DCLK1: variants seen among roughly 807,000 people sequenced by gnomAD.
DCLK1 encodes doublecortin like kinase 1, also known as serine/threonine-protein kinase DCLK1.
A neutral mutation model predicts 86.2 loss-of-function variants in DCLK1; 16 were observed. The ratio of observed to expected loss-of-function variants is 0.19; its 90% CI spans 0.13 to 0.28. DCLK1 has a LOEUF of 0.28. DCLK1 is among the 10% of genes least tolerant of loss of function. DCLK1 has a pLI of 1.00. For synonymous variants in DCLK1, 369 were observed against 370.5 expected, an observed-to-expected ratio of 1.00 and a Z score of 0.05; for missense variants, 590 against 940.2, an observed-to-expected ratio of 0.63 and a Z score of 4.87.
chr13:36,129,258 G>T (rs531128832), intron 1 of DCLK1, among the ~76,000 whole-genome samples: 1 of 152,190 alleles, frequency 6.6e-6, no homozygotes, highest in African/African-American at 2.4e-5. Flanking sequence ...TTCCCTGGGG[G>T]AACGGGCTTT....
At chr13:36,017,227 G>T (rs1437941244) in intron 3 of DCLK1, among the ~76,000 whole-genome samples, 1 of 152,266 alleles carries the variant, frequency 6.6e-6, no homozygotes, top group Admixed American at 6.5e-5. Context: ...CCAAACTGCG[G>T]GATCTGTTCG....
At chr13:36,046,549 C>G (rs890205466) in intron 3 of DCLK1, among the ~76,000 whole-genome samples, 1 of 152,194 alleles carries the variant, frequency 6.6e-6, no homozygotes, top group Non-Finnish European at 1.5e-5. Flanking sequence ...CAGCACAGAG[C>G]ACAGGAGGAA....
At chr13:35,887,534 G>A (rs1873348702) in intron 4 of DCLK1, among the ~76,000 whole-genome samples, 1 of 152,148 alleles carries the variant, frequency 6.6e-6, no homozygotes, top group Non-Finnish European at 1.5e-5. Flanking sequence ...AGAGGAAGTT[G>A]CTTTCAAGGA....
intron 11 of DCLK1, among the ~76,000 whole-genome samples, chr13:35,817,648 C>T (rs1025446147): frequency 2.0e-5 from 3 of 152,140 alleles, no homozygotes; most frequent in African/African-American, 7.2e-5. Context: ...CCAAGTGGTA[C>T]ATCCCTTCTC....
At chr13:35,888,388 T>C (rs528141869) in intron 4 of DCLK1, among the ~76,000 whole-genome samples, 18 of 152,218 alleles carry the variant, frequency 1.2e-4, no homozygotes, top group African/African-American at 4.1e-4. Context: ...GTTAGAAACA[T>C]CTAAACCCTC....
chr13:35,908,986 A>G (rs117985290), intron 4 of DCLK1, among the ~76,000 whole-genome samples: 37 of 152,308 alleles, frequency 2.4e-4, no homozygotes, highest in Non-Finnish European at 5.0e-4. Flanking sequence ...CAATTTTTTA[A>G]AAAGATGTAT....
At chr13:35,949,084 T>C (rs545577431) in intron 3 of DCLK1, among the ~76,000 whole-genome samples, 5 of 152,324 alleles carry the variant, frequency 3.3e-5, no homozygotes, top group Admixed American at 3.3e-4. Flanking sequence ...CCAATCAGCA[T>C]CTGGCAGAAA....
intron 3 of DCLK1, among the ~76,000 whole-genome samples, chr13:35,995,919 C>T (rs1880449123): frequency 6.6e-6 from 1 of 151,832 alleles, no homozygotes; most frequent in Non-Finnish European, 1.5e-5. Flanking sequence ...ATATTTTCAT[C>T]TATTTTAATT....
At position 36,045,377 on chromosome 13, in the gene DCLK1, T is replaced by TATCTATATATCTATATATAC. The variant is rs568110221; in HGVS notation, c.723+66491_723+66492insGTATATATAGATATATAGAT. Among the ~76,000 whole-genome samples, 141 of 125,040 alleles carry TATCTATATATCTATATATAC rather than the reference T, an allele frequency of 1.1e-3. 3 individuals carry two copies. The highest frequency in any genetic ancestry group is 5.3e-3 in the East Asian group (20 of 3,792). The allele number at this position is 125,040 out of a possible 152,430, so 82.0% of individuals were successfully genotyped here. A position where few individuals can be genotyped will look rare whatever the true frequency, so the allele number is the denominator to read the frequency against. On this transcript the variant is annotated intron_variant, in intron 3 of 16. Coordinates refer to ENST00000360631, the MANE Select transcript of DCLK1 (RefSeq NM_001330071.2). ...ATATATATATATATATATATATATA[T>TATCTATATATCTATATATAC]TTCAAGGTAAATTGCTAACATCAGT...
intron 3 of DCLK1, among the ~76,000 whole-genome samples, chr13:35,978,745 C>A (rs1479512896): frequency 1.3e-5 from 2 of 152,116 alleles, no homozygotes; most frequent in African/African-American, 4.8e-5. Flanking sequence ...TTACACTTAC[C>A]CTGACAAGAG....
chr13:35,807,930 TGG>T (rs1367266182), intron 14 of DCLK1, among the ~76,000 whole-genome samples: 1 of 152,138 alleles, frequency 6.6e-6, no homozygotes, highest in Non-Finnish European at 1.5e-5. Flanking sequence ...AAATCTGAGC[TGG>T]GCTCAAGCCT....
Position 35,770,352 on chromosome 13 carries a change from A to G in DCLK1, c.*4183T>C, listed in dbSNP as rs2086308336. 1 of 152,214 alleles carries G rather than the reference A, an allele frequency of 6.6e-6. No homozygotes were observed. Among genetic ancestry groups the G allele is most frequent in the Non-Finnish European group, 1.5e-5 (1 of 68,032 alleles). The allele number at this position is 152,214 out of a possible 1,614,324, so 9.4% of individuals were successfully genotyped here. A position where few individuals can be genotyped will look rare whatever the true frequency, so the allele number is the denominator to read the frequency against. On this transcript the variant is annotated 3_prime_UTR_variant, in exon 17 of 17. Coordinates refer to ENST00000360631, the MANE Select transcript of DCLK1 (RefSeq NM_001330071.2). ...GTATTATTTTCCCCTGCTTCTTTTC[A>G]TATCTGAATTGTCAAAAAATGTTAA...
chr13:35,933,873 T>G lies in DCLK1; in HGVS notation c.823+13485A>C, dbSNP rs567939990. Among the ~76,000 whole-genome samples the G allele has an allele frequency of 2.0e-5, 3 of 152,348 alleles. No individual in the cohort carries two copies. The South Asian group carries it at 6.2e-4, about 32-fold the overall frequency. On this transcript the variant is annotated intron_variant, in intron 4 of 16. Transcript: ENST00000360631. ...CTTATGCAAATTTCTGCAGCTGGCT[T>G]GAATTTCTCCTCAGAAAATGATAGT... is the stretch of plus-strand genomic sequence containing the variant.
intron 4 of DCLK1, among the ~76,000 whole-genome samples, chr13:35,902,704 G>C (rs1436199823): frequency 6.6e-6 from 1 of 152,118 alleles, no homozygotes; most frequent in Admixed American, 6.6e-5. Flanking sequence ...AGGCGGTGGG[G>C]GGTGCTGTGA....
At chr13:36,117,396 A>G (rs1403590781) in intron 2 of DCLK1, among the ~76,000 whole-genome samples, 2 of 152,200 alleles carry the variant, frequency 1.3e-5, no homozygotes, top group Non-Finnish European at 2.9e-5. Flanking sequence ...TCTTGTACCT[A>G]TTATAATTGC....
chr13:36,019,127 G>T (rs982509652), intron 3 of DCLK1, among the ~76,000 whole-genome samples: 2 of 152,142 alleles, frequency 1.3e-5, no homozygotes, highest in East Asian at 3.9e-4. Flanking sequence ...TAATGTCAAA[G>T]GCACTCTCTG....
At chr13:35,977,270 T>C (rs1879396601) in intron 3 of DCLK1, among the ~76,000 whole-genome samples, 1 of 152,120 alleles carries the variant, frequency 6.6e-6, no homozygotes, top group Admixed American at 6.5e-5. Flanking sequence ...ACTCAGAGTG[T>C]CTGGGCAGAT....
At chr13:35,923,916 T>G (rs1347095422) in intron 4 of DCLK1, among the ~76,000 whole-genome samples, 3 of 152,146 alleles carry the variant, frequency 2.0e-5, no homozygotes, top group Non-Finnish European at 4.4e-5. Flanking sequence ...ATGCACATGC[T>G]AAACTAGACC....
intron 7 of DCLK1, among the ~76,000 whole-genome samples, chr13:35,838,293 C>T (rs1228013541): frequency 6.6e-6 from 1 of 151,920 alleles, no homozygotes; most frequent in Non-Finnish European, 1.5e-5. Context: ...AAAAGCACTT[C>T]CCAAAGGGTA....
Sources: allele counts gnomAD v4.1 joint callset (sites outside exome capture counted in the v4.1 genomes callset), GRCh38; gene constraint gnomAD v4.1.1; transcripts MANE v1.5; gene names NCBI Gene and HGNC (gene_info 2026-07-23, HGNC 2026-07-21).